Variants in RALGAPA2 observed in about 807,000 individuals in gnomAD.
RALGAPA2 encodes ral GTPase-activating protein subunit alpha-2.
Under a neutral mutation model 230.4 loss-of-function variants are expected in RALGAPA2, and 139 were observed. The ratio of observed to expected loss-of-function variants is 0.60; its 90% CI spans 0.53 to 0.69. RALGAPA2 has a LOEUF of 0.69. Ranked by LOEUF, RALGAPA2 falls within the 30% of genes least tolerant of loss-of-function variation. RALGAPA2 has a pLI of 0.00. For missense variants in RALGAPA2, 2,163 were observed against 2,276.0 expected, an observed-to-expected ratio of 0.95 and a Z score of 1.01; for synonymous variants, 847 against 837.8, an observed-to-expected ratio of 1.01 and a Z score of -0.19.
In RALGAPA2 at chr20:20,457,920, T is replaced by C. The variant is rs1231674945; in HGVS notation, c.5495+14909A>G. Among the ~76,000 whole-genome samples the C allele has an allele frequency of 3.9e-5, 6 of 151,930 alleles. No individual in the cohort carries two copies. In the East Asian group the frequency reaches 1.2e-3, roughly 29 times the overall value. On this transcript the variant is annotated intron_variant, in intron 37 of 39. Transcript: ENST00000202677. ...TGCCACGTGGGCATCTGGGGAGCAGTAGAGGCAGGGGGCATGGAGGGCACA... is the reference window on the plus strand; with the variant it reads ...TGCCACGTGGGCATCTGGGGAGCAGCAGAGGCAGGGGGCATGGAGGGCACA...
chr20:20,572,886 T>C lies in RALGAPA2; in HGVS notation c.2890A>G (p.Lys964Glu). The change falls in exon 21 of 40, where the codon AAA becomes GAA. Residue 964 changes from lysine (K) to glutamate (E), a missense_variant. Physicochemically the swap from Lys to Glu is moderately conservative, Grantham distance 56. Coordinates refer to ENST00000202677, the MANE Select transcript of RALGAPA2 (RefSeq NM_020343.4). ...VFCYLYELWY[K>E]LAKIRDNLAI... Reference sequence around the variant, plus strand: ...ATAGCAGAACTTACCTTTGCTAGTTTGTACCAGAGTTCATAGAGATAGCAG... The same window carrying C: ...ATAGCAGAACTTACCTTTGCTAGTTCGTACCAGAGTTCATAGAGATAGCAG... 6.5e-7 allele frequency: 1 copy of C among 1,536,386 alleles called. No individual in the cohort carries two copies. Among genetic ancestry groups the C allele is most frequent in the Non-Finnish European group, 8.8e-7 (1 of 1,136,262 alleles).
At chr20:20,641,880 A>T (rs1486757830) in intron 5 of RALGAPA2, among the ~76,000 whole-genome samples, 1 of 151,812 alleles carries the variant, frequency 6.6e-6, no homozygotes, top group East Asian at 2.0e-4. Context: ...ATAAATAAAT[A>T]AAAATATTCT....
chr20:20,565,752 T>A (rs973525362), intron 23 of RALGAPA2, among the ~76,000 whole-genome samples: 3 of 152,208 alleles, frequency 2.0e-5, no homozygotes, highest in Non-Finnish European at 4.4e-5. Context: ...GCTAAAATTT[T>A]AAAAATACAA....
Position 20,463,136 on chromosome 20 carries a change from T to A in RALGAPA2, c.5495+9693A>T, listed in dbSNP as rs544965259. 3.9e-5 allele frequency among the ~76,000 whole-genome samples: 6 copies of A among 152,322 alleles called. No individual in the cohort carries two copies. In the South Asian group the frequency reaches 1.2e-3, roughly 32 times the overall value. On this transcript the variant is annotated intron_variant, in intron 37 of 39. Transcript: ENST00000202677. The stretch of plus-strand genomic sequence containing the variant: ...ATGGGCTTAAAACCCTGACTTTTTT[T>A]TTTTTTGTTAAAGAATTCAGTTTGT...
Position 20,526,277 on chromosome 20 carries a change from G to A in RALGAPA2, c.3668C>T (p.Thr1223Ile), listed in dbSNP as rs754532069. The part of the protein sequence containing the change: ...SYWEKLQMFE[T>I]SLPRKMAEIL... ...TTCTGCCATTTTCCGAGGCAGAGAGGTTTCAAACATCTGAAGCTTCTCCCA... is the reference window on the plus strand; with the variant it reads ...TTCTGCCATTTTCCGAGGCAGAGAGATTTCAAACATCTGAAGCTTCTCCCA... The change falls in exon 28 of 40, where the codon ACC becomes ATC. Residue 1223 changes from threonine to isoleucine, a missense_variant. Coordinates refer to ENST00000202677, the MANE Select transcript of RALGAPA2 (RefSeq NM_020343.4). The A allele has an allele frequency of 3.1e-6, 5 of 1,607,352 alleles. No individual in the cohort carries two copies. The South Asian group carries it at 5.6e-5, about 18-fold the overall frequency.
chr20:20,476,064 G>A (rs1380514270), intron 36 of RALGAPA2, among the ~76,000 whole-genome samples: 1 of 152,058 alleles, frequency 6.6e-6, no homozygotes, highest in Non-Finnish European at 1.5e-5. Flanking sequence ...ACAGTGATGA[G>A]ATAAATTAAA....
intron 15 of RALGAPA2, 108 bp downstream of exon 15, chr20:20,605,067 G>C (rs2065777319): frequency 1.2e-6 from 1 of 843,212 alleles, no homozygotes; most frequent in Admixed American, 2.1e-5. Context: ...ACACTGTGTA[G>C]TTGGTTCAGT....
At chr20:20,580,173 C>T (rs1240756663) in intron 20 of RALGAPA2, among the ~76,000 whole-genome samples, 1 of 152,090 alleles carries the variant, frequency 6.6e-6, no homozygotes, top group Non-Finnish European at 1.5e-5. Flanking sequence ...TCATAAATGT[C>T]CCCCTCCCCT....
At position 20,512,906 on chromosome 20, in the gene RALGAPA2, T is replaced by C. The variant is rs45484900; in HGVS notation, c.4463A>G (p.Asn1488Ser). The C allele has an allele frequency of 0.063, 102,321 of 1,613,806 alleles. 3,692 individuals are homozygous for C. Among genetic ancestry groups the C allele is most frequent in the Non-Finnish European group, 0.072 (85,202 of 1,179,746 alleles). ...AATCAGAAATGAAGGATTTCTTCCA[T>C]TGGGTGCTAAGCAGCCTTCCAAAGG... The part of the protein sequence containing the change: ...YGPLEGCLAP[N>S]GRNPSFLISS... The change falls in exon 32 of 40, where the codon AAT (asparagine) becomes AGT (serine). Residue 1488 changes from asparagine to serine, a missense_variant. Physicochemically the swap from Asn to Ser is conservative, Grantham distance 46 (BLOSUM62 1). Coordinates refer to ENST00000202677, the MANE Select transcript of RALGAPA2 (RefSeq NM_020343.4).
intron 3 of RALGAPA2, among the ~76,000 whole-genome samples, chr20:20,662,630 T>A (rs2067820894): frequency 6.6e-6 from 1 of 152,234 alleles, no homozygotes; most frequent in African/African-American, 2.4e-5. Context: ...TAATTAAATA[T>A]CCTCTTAATC....
chr20:20,586,736 T>C lies in RALGAPA2; in HGVS notation c.2440-1781A>G, dbSNP rs1002226177. ...AAAAATTCAATGGAAATATTAACAG[T>C]AAAGATAAAGTTACTGAACTGATGA... On this transcript the variant is annotated intron_variant, in intron 18 of 39. Transcript: ENST00000202677. 2.0e-5 allele frequency among the ~76,000 whole-genome samples: 3 copies of C among 151,968 alleles called. No individual in the cohort carries two copies. In the East Asian group the frequency reaches 5.8e-4, roughly 29 times the overall value.
intron 23 of RALGAPA2, among the ~76,000 whole-genome samples, chr20:20,548,069 GA>G (rs2063821297): frequency 6.6e-6 from 1 of 151,994 alleles, no homozygotes. Flanking sequence ...ATAGTAACGT[GA>G]CTTATAGTTA....
rs184776201 is a variant in RALGAPA2, at chr20:20,475,316, A to C, written c.5368-2360T>G. Among the ~76,000 whole-genome samples, 54 of 152,140 alleles carry C rather than the reference A, an allele frequency of 3.5e-4. No individual in the cohort carries two copies. In the East Asian group the frequency reaches 9.1e-3, roughly 26 times the overall value. ...AGCAATGATGCAAAAATCCTTTATA[A>C]TTTTTTTGTAAATTAAACCCAGCAA... On this transcript the variant is annotated intron_variant, in intron 36 of 39. Coordinates refer to ENST00000202677, the MANE Select transcript of RALGAPA2 (RefSeq NM_020343.4).
Position 20,602,733 on chromosome 20 carries a change from G to A in RALGAPA2, c.2039-887C>T, listed in dbSNP as rs1044743026. ...GGTACATTTTGAAAACAGTGTTTTC[G>A]AAGTTGTTTGCCTTCCTAAGATAAG... On this transcript the variant is annotated intron_variant, in intron 15 of 39. Transcript: ENST00000202677. Among the ~76,000 whole-genome samples the A allele has an allele frequency of 4.6e-5, 7 of 152,266 alleles. No individual in the cohort carries two copies. In the South Asian group the frequency reaches 1.0e-3, roughly 23 times the overall value.
intron 16 of RALGAPA2, among the ~76,000 whole-genome samples, chr20:20,601,079 G>A (rs541512626): frequency 5.9e-5 from 9 of 152,042 alleles, no homozygotes; most frequent in South Asian, 2.1e-4. Flanking sequence ...CAGCCTGGGC[G>A]TCAGAGCGAG....
chr20:20,587,316 A>C (rs2065162737), intron 18 of RALGAPA2, among the ~76,000 whole-genome samples: 1 of 152,104 alleles, frequency 6.6e-6, no homozygotes, highest in Non-Finnish European at 1.5e-5. Context: ...GTACTGTCCG[A>C]AAGATAAAGT....
chr20:20,701,683 T>C (rs1418245832), intron 1 of RALGAPA2, among the ~76,000 whole-genome samples: 1 of 151,644 alleles, frequency 6.6e-6, no homozygotes, highest in Non-Finnish European at 1.5e-5. Flanking sequence ...TGAGTGGAGA[T>C]TGTGCCACTG....
At chr20:20,484,708 T>C (rs2061863683) in intron 36 of RALGAPA2, among the ~76,000 whole-genome samples, 1 of 152,148 alleles carries the variant, frequency 6.6e-6, no homozygotes, top group Non-Finnish European at 1.5e-5. Flanking sequence ...TATTTTTTGA[T>C]TATAAGATTA....
At chr20:20,480,287 C>T (rs892536761) in intron 36 of RALGAPA2, among the ~76,000 whole-genome samples, 3 of 152,182 alleles carry the variant, frequency 2.0e-5, no homozygotes, top group Non-Finnish European at 4.4e-5. Context: ...AGATATATCC[C>T]AACCTGTGGT....
Sources: gnomAD v4.1 joint callset for allele counts (sites outside exome capture counted in the v4.1 genomes callset) on GRCh38, gnomAD v4.1.1 for gene constraint, MANE v1.5 for transcripts, NCBI Gene and HGNC (gene_info 2026-07-23, HGNC 2026-07-21) for gene names.